The following ELOVL6 variants were observed in gnomAD, a reference collection of about 807,000 sequenced individuals.
ELOVL6 encodes the protein ELOVL fatty acid elongase 6, also known as very long chain fatty acid elongase 6.
ELOVL6 carries 8 observed loss-of-function variants against 31.7 expected under a neutral mutation model. That is an observed-to-expected ratio of 0.25 (90% CI 0.15 to 0.45). ELOVL6 has a LOEUF of 0.45. Among genes scored for constraint, ELOVL6 ranks in the 20% least tolerant of loss-of-function variants. ELOVL6 has a pLI of 1.00. For synonymous variants in ELOVL6, 101 were observed against 117.7 expected (o/e 0.86, Z 0.92); for missense variants, 126 against 326.4 (o/e 0.39, Z 4.73).
intron 1 of ELOVL6, among the ~76,000 whole-genome samples, chr4:110,197,151 C>G (rs562963926): frequency 5.9e-4 from 90 of 152,326 alleles, no homozygotes; most frequent in Non-Finnish European, 1.0e-3. Context: ...CCGACCCTCC[C>G]CGGTCAAGCC....
At chr4:110,095,055 G>A (rs1405979986) in intron 2 of ELOVL6, among the ~76,000 whole-genome samples, 2 of 152,214 alleles carry the variant, frequency 1.3e-5, no homozygotes, top group African/African-American at 4.8e-5. Flanking sequence ...CAGTGGAGCT[G>A]AGATATGGGC....
intron 1 of ELOVL6, among the ~76,000 whole-genome samples, chr4:110,192,727 A>G (rs1212999487): frequency 1.3e-5 from 2 of 152,226 alleles, no homozygotes; most frequent in African/African-American, 4.8e-5. Flanking sequence ...ATTATTTTCT[A>G]GGACCCCACA....
In ELOVL6 at chr4:110,191,084, G is replaced by A. The variant is rs532023930; in HGVS notation, c.89+7163C>T. On this transcript the variant is annotated intron_variant, in intron 1 of 3. Coordinates refer to ENST00000302274, the MANE Select transcript of ELOVL6 (RefSeq NM_024090.3). ...TCCGCCTGCCTCGGCCTCCCAAAGTGCTGGGATTACAGGTGTGAGCCACCA... is the reference window on the plus strand; with the variant it reads ...TCCGCCTGCCTCGGCCTCCCAAAGTACTGGGATTACAGGTGTGAGCCACCA... 3.3e-5 allele frequency among the ~76,000 whole-genome samples: 5 copies of A among 152,228 alleles called. No homozygotes were observed. In the South Asian group the frequency reaches 8.3e-4, roughly 25 times the overall value.
At chr4:110,094,629 G>C (rs1432086885) in intron 2 of ELOVL6, among the ~76,000 whole-genome samples, 1 of 151,158 alleles carries the variant, frequency 6.6e-6, no homozygotes, top group African/African-American at 2.4e-5. Context: ...GGAGGCAAGA[G>C]TGGCTGAGGA....
chr4:110,105,502 G>C lies in ELOVL6; in HGVS notation c.216C>G (p.Val72=). Residue 72 remains valine, a synonymous_variant, in exon 2 of 4, where the codon GTC becomes GTG. Coordinates refer to ENST00000302274, the MANE Select transcript of ELOVL6 (RefSeq NM_024090.3). ...PLVLWSLTLA[V]FSIFGALRTG... is the part of the protein sequence containing the mutation. ...GAAAAATGAAAAAAACCTACCTGAAGACTGCAAGGGTCAGAGACCAGAGCA... is the reference window on the plus strand; with the variant it reads ...GAAAAATGAAAAAAACCTACCTGAACACTGCAAGGGTCAGAGACCAGAGCA... 2 of 1,602,980 alleles carry C rather than the reference G, an allele frequency of 1.2e-6. No homozygotes were observed. Among genetic ancestry groups the C allele is most frequent in the Non-Finnish European group, 1.7e-6 (2 of 1,176,866 alleles).
At chr4:110,113,722 G>C (rs1247483563) in intron 1 of ELOVL6, among the ~76,000 whole-genome samples, 1 of 152,146 alleles carries the variant, frequency 6.6e-6, no homozygotes, top group East Asian at 1.9e-4. Context: ...ATTGTTGCAG[G>C]TGAGAATTTC....
At chr4:110,081,777 A>C (rs1386653784) in intron 2 of ELOVL6, among the ~76,000 whole-genome samples, 3 of 149,538 alleles carry the variant, frequency 2.0e-5, no homozygotes, top group Non-Finnish European at 4.5e-5. Context: ...TCTGCACAGC[A>C]AAAGAAACTA....
At chr4:110,136,217 G>A (rs1273484722) in intron 1 of ELOVL6, among the ~76,000 whole-genome samples, 1 of 152,106 alleles carries the variant, frequency 6.6e-6, no homozygotes, top group Non-Finnish European at 1.5e-5. Context: ...TCAAATGTTT[G>A]CCCTTGAGTC....
chr4:110,187,491 C>A (rs1352060273), intron 1 of ELOVL6, among the ~76,000 whole-genome samples: 1 of 150,884 alleles, frequency 6.6e-6, no homozygotes, highest in African/African-American at 2.4e-5. Context: ...GGCGGATCAC[C>A]TGAGATCAGG....
rs373002623 is a variant in ELOVL6, at chr4:110,198,221, C to G, written c.89+26G>C. 1.1e-5 allele frequency: 16 copies of G among 1,397,318 alleles called. No individual in the cohort carries two copies. The South Asian group carries it at 1.2e-4, about 10-fold the overall frequency. The allele number at this position is 1,397,318 out of a possible 1,614,324, so 86.6% of individuals were successfully genotyped here. A position where few individuals can be genotyped will look rare whatever the true frequency, so the allele number is the denominator to read the frequency against. On this transcript the variant is annotated intron_variant, in intron 1 of 3. Transcript: ENST00000302274. ...GGAAGACGCGCAGGGCTCCCGGGAA[C>G]AGTATCAGGCGAAAGCATCACGTAC...
chr4:110,077,224 C>T (rs978887031), intron 2 of ELOVL6, among the ~76,000 whole-genome samples: 1 of 152,202 alleles, frequency 6.6e-6, no homozygotes, highest in African/African-American at 2.4e-5. Context: ...CCCTGTCTGA[C>T]AGCTTTGAAG....
At chr4:110,121,614 G>C (rs1757359578) in intron 1 of ELOVL6, among the ~76,000 whole-genome samples, 1 of 152,110 alleles carries the variant, frequency 6.6e-6, no homozygotes, top group Admixed American at 6.5e-5. Context: ...CAGGAGAATG[G>C]CGTGAACCCA....
intron 1 of ELOVL6, among the ~76,000 whole-genome samples, chr4:110,152,911 A>G (rs1377708245): frequency 6.6e-6 from 1 of 152,170 alleles, no homozygotes; most frequent in East Asian, 1.9e-4. Context: ...TGCTTTTTCA[A>G]ATTAGCAAAG....
chr4:110,083,712 T>C (rs1268683642), intron 2 of ELOVL6, among the ~76,000 whole-genome samples: 1 of 151,188 alleles, frequency 6.6e-6, no homozygotes, highest in Non-Finnish European at 1.5e-5. Flanking sequence ...TTCATATTAT[T>C]ATAAAAGTAG....
intron 1 of ELOVL6, among the ~76,000 whole-genome samples, chr4:110,165,201 C>T (rs1758740848): frequency 6.6e-6 from 1 of 152,134 alleles, no homozygotes; most frequent in African/African-American, 2.4e-5. Flanking sequence ...ATAAGCAACC[C>T]TCTCCATTAT....
At chr4:110,052,132 C>A (rs1341786319) in intron 3 of ELOVL6, among the ~76,000 whole-genome samples, 4 of 152,152 alleles carry the variant, frequency 2.6e-5, no homozygotes, top group Admixed American at 2.0e-4. Context: ...ACTATGTTGC[C>A]AACTCCCAAC....
chr4:110,140,559 T>C (rs1177586093), intron 1 of ELOVL6, among the ~76,000 whole-genome samples: 1 of 152,044 alleles, frequency 6.6e-6, no homozygotes, highest in Non-Finnish European at 1.5e-5. Flanking sequence ...CATGCTTCTT[T>C]TTAATTTTTT....
chr4:110,059,858 T>A (rs1755091446), intron 2 of ELOVL6, 104 bp from the exon 3 acceptor site: 2 of 909,122 alleles, frequency 2.2e-6, no homozygotes, highest in South Asian at 1.8e-5. Context: ...GAAATAGGCA[T>A]AAGAATCATA....
chr4:110,150,033 T>G (rs1471133568), intron 1 of ELOVL6, among the ~76,000 whole-genome samples: 1 of 152,144 alleles, frequency 6.6e-6, no homozygotes, highest in Non-Finnish European at 1.5e-5. Context: ...TGGAAACTGT[T>G]TCTTTTTTTT....
Sources: allele counts gnomAD v4.1 joint callset (sites outside exome capture counted in the v4.1 genomes callset), GRCh38; gene constraint gnomAD v4.1.1; transcripts MANE v1.5; gene names NCBI Gene and HGNC (gene_info 2026-07-23, HGNC 2026-07-21).